The following ANKRD44 variants were observed in gnomAD, a reference collection of about 807,000 sequenced individuals.
ANKRD44 encodes ankyrin repeat domain 44.
ANKRD44 carries 35 observed loss-of-function variants against 116.0 expected under a neutral mutation model. That is an observed-to-expected ratio of 0.30 (90% CI 0.23 to 0.40). ANKRD44 has a LOEUF of 0.40. Ranked by LOEUF, ANKRD44 falls within the 10% of genes least tolerant of loss-of-function variation. ANKRD44 has a pLI of 1.00. For missense variants in ANKRD44, 1,014 were observed against 1,242.6 expected (o/e 0.82, Z 2.77); for synonymous variants, 435 against 461.8 (o/e 0.94, Z 0.74).
At chr2:197,035,993 C>T (rs1377947065) in intron 16 of ANKRD44, among the ~76,000 whole-genome samples, 1 of 152,152 alleles carries the variant, frequency 6.6e-6, no homozygotes, top group Non-Finnish European at 1.5e-5. Context: ...ACCTCAGGCT[C>T]AGCCCCAAAT....
chr2:196,984,107 C>A (rs983754485), downstream of ANKRD44, among the ~76,000 whole-genome samples: 1 of 152,108 alleles, frequency 6.6e-6, no homozygotes, highest in Non-Finnish European at 1.5e-5. Flanking sequence ...ATAGATGAGG[C>A]AATATGGCTA....
intron 4 of ANKRD44, among the ~76,000 whole-genome samples, chr2:197,126,366 G>A (rs1164163869): frequency 1.3e-5 from 2 of 152,176 alleles, no homozygotes; most frequent in Non-Finnish European, 2.9e-5. Flanking sequence ...GCATACCAGG[G>A]TAAAATAACC....
chr2:197,073,271 C>T (rs1458751117), intron 16 of ANKRD44, among the ~76,000 whole-genome samples: 1 of 152,176 alleles, frequency 6.6e-6, no homozygotes, highest in Non-Finnish European at 1.5e-5. Flanking sequence ...AGGTTCTCCA[C>T]CATCACTGGG....
At position 197,016,215 on chromosome 2, in the gene ANKRD44, T is replaced by C. The variant is rs140567258; in HGVS notation, c.1723-2503A>G. 1.2e-3 allele frequency among the ~76,000 whole-genome samples: 184 copies of C among 152,312 alleles called. 2 individuals are homozygous for C. The East Asian group carries it at 0.016, about 13-fold the overall frequency. On this transcript the variant is annotated intron_variant, in intron 17 of 27. Transcript: ENST00000282272. Reference sequence around the variant, plus strand: ...TTGTGCAGGACTGTCACAGCCACCGTTTGCAAAACGTCCAGCTATTAATTA... The same window carrying C: ...TTGTGCAGGACTGTCACAGCCACCGCTTGCAAAACGTCCAGCTATTAATTA...
intron 16 of ANKRD44, among the ~76,000 whole-genome samples, chr2:197,076,699 T>C (rs1473959644): frequency 6.6e-6 from 1 of 151,430 alleles, no homozygotes; most frequent in Non-Finnish European, 1.5e-5. Context: ...AGTTCCCCTC[T>C]TTGTGTCCAT....
At chr2:197,211,535 G>C (rs1165958555) in intron 1 of ANKRD44, among the ~76,000 whole-genome samples, 1 of 152,124 alleles carries the variant, frequency 6.6e-6, no homozygotes, top group South Asian at 2.1e-4. Context: ...GAATTTTACA[G>C]TCTAGTGCTG....
chr2:197,279,948 G>A (rs942254091), intron 1 of ANKRD44, among the ~76,000 whole-genome samples: 2 of 152,198 alleles, frequency 1.3e-5, no homozygotes, highest in East Asian at 3.9e-4. Flanking sequence ...GCTCTGCAAA[G>A]CTTTGTTGTC....
At chr2:197,225,314 T>G (rs1274236189) in intron 1 of ANKRD44, among the ~76,000 whole-genome samples, 1 of 152,220 alleles carries the variant, frequency 6.6e-6, no homozygotes, top group East Asian at 1.9e-4. Flanking sequence ...TAAATTAATC[T>G]TATGTTTCTA....
intron 16 of ANKRD44, among the ~76,000 whole-genome samples, chr2:197,032,210 C>T (rs1409315137): frequency 6.6e-6 from 1 of 151,990 alleles, no homozygotes; most frequent in Non-Finnish European, 1.5e-5. Context: ...TTATAAAATC[C>T]ACTCTGGCTG....
Position 197,071,807 on chromosome 2 carries a change from A to G in ANKRD44, c.1650+6896T>C, listed in dbSNP as rs1363041815. On this transcript the variant is annotated intron_variant, in intron 16 of 27. Transcript: ENST00000282272. ...AGAGGTGCTAAAGTCTCCCACTATAATTGTGTATTTCTGTTTATCTTTTCA... is the reference window on the plus strand; with the variant it reads ...AGAGGTGCTAAAGTCTCCCACTATAGTTGTGTATTTCTGTTTATCTTTTCA... Among the ~76,000 whole-genome samples, 4 of 152,074 alleles carry G rather than the reference A, an allele frequency of 2.6e-5. 1 individual carries two copies. The highest frequency in any genetic ancestry group is 5.9e-5 in the Non-Finnish European group (4 of 68,030).
intron 2 of ANKRD44, among the ~76,000 whole-genome samples, chr2:197,178,974 G>C (rs1338717831): frequency 3.3e-5 from 5 of 152,152 alleles, no homozygotes; most frequent in African/African-American, 1.2e-4. Context: ...GGGAGGCTGA[G>C]GCAGGAGGAT....
intron 16 of ANKRD44, among the ~76,000 whole-genome samples, chr2:197,043,764 G>GT (rs796215483): frequency 2.1e-4 from 31 of 148,418 alleles, no homozygotes; most frequent in African/African-American, 3.5e-4. Flanking sequence ...CTGGACCCTG[G>GT]TTTTTTTTTT....
intron 1 of ANKRD44, among the ~76,000 whole-genome samples, chr2:197,214,175 A>G (rs1429018004): frequency 1.3e-5 from 2 of 152,224 alleles, no homozygotes; most frequent in Non-Finnish European, 2.9e-5. Context: ...TTCAGGGTGT[A>G]TATTAGGGTG....
intron 21 of ANKRD44, among the ~76,000 whole-genome samples, chr2:196,979,367 A>C (rs879216862): frequency 4.5e-5 from 6 of 133,802 alleles, no homozygotes; most frequent in African/African-American, 1.4e-4. Flanking sequence ...TAGGCGACAG[A>C]GCGAGACTCC....
chr2:197,018,764 C>T (rs1047087779), intron 17 of ANKRD44, among the ~76,000 whole-genome samples: 2 of 152,194 alleles, frequency 1.3e-5, no homozygotes, highest in African/African-American at 4.8e-5. Context: ...ATAATGACTA[C>T]TATATTTATT....
intron 2 of ANKRD44, among the ~76,000 whole-genome samples, chr2:197,176,547 A>G (rs1158472684): frequency 2.0e-5 from 3 of 152,178 alleles, no homozygotes; most frequent in Non-Finnish European, 2.9e-5. Context: ...TTATTTACCA[A>G]TAAATGAAAT....
chr2:197,202,130 A>C (rs1245908568), intron 1 of ANKRD44, among the ~76,000 whole-genome samples: 1 of 152,208 alleles, frequency 6.6e-6, no homozygotes, highest in Admixed American at 6.5e-5. Flanking sequence ...GCTTGCTCTC[A>C]CTTTTAGAGT....
rs1442756810 is a variant in ANKRD44, at chr2:197,121,492, T to C, written c.746A>G (p.Asn249Ser). 4.3e-6 allele frequency: 7 copies of C among 1,614,202 alleles called. No individual in the cohort carries two copies. The highest frequency in any genetic ancestry group is 2.2e-5 in the East Asian group (1 of 44,884). ...CTCGTTAACCACAGCATCCTGTCCA[T>C]TGTAGCAGGCGATGTGAAGCGCTGT... ...GNTALHIACY[N>S]GQDAVVNELI... is the part of the protein sequence containing the mutation. The change falls in exon 8 of 28, where the codon AAT becomes AGT. Residue 249 changes from asparagine to serine, a missense_variant. Physicochemically the swap from Asn to Ser is conservative, Grantham distance 46 (BLOSUM62 1). Transcript: ENST00000282272.
chr2:196,974,302 T>A (rs1463859582), intron 21 of ANKRD44, among the ~76,000 whole-genome samples: 1 of 152,034 alleles, frequency 6.6e-6, no homozygotes, highest in East Asian at 1.9e-4. Context: ...AGGTTGGTCT[T>A]GAACTCCTGA....
Sources: allele counts gnomAD v4.1 joint callset (sites outside exome capture counted in the v4.1 genomes callset), GRCh38; gene constraint gnomAD v4.1.1; transcripts MANE v1.5; gene names NCBI Gene and HGNC (gene_info 2026-07-23, HGNC 2026-07-21).